CSMD1: variants seen among roughly 807,000 people sequenced by gnomAD.
CSMD1 encodes CUB and Sushi multiple domains 1, also known as CUB and sushi domain-containing protein 1.
A neutral mutation model predicts 417.5 loss-of-function variants in CSMD1; 213 were observed. The ratio of observed to expected loss-of-function variants is 0.51; its 90% CI spans 0.46 to 0.57. The LOEUF (loss-of-function observed/expected upper bound fraction) is 0.57. Ranked by LOEUF, CSMD1 falls within the 20% of genes least tolerant of loss-of-function variation. The pLI is 0.00. For synonymous variants in CSMD1, 2,862 were observed against 1,736.8 expected, an observed-to-expected ratio of 1.65 and a Z score of -16.11; for missense variants, 6,923 against 4,529.7, an observed-to-expected ratio of 1.53 and a Z score of -15.17.
intron 3 of CSMD1, among the ~76,000 whole-genome samples, chr8:4,410,372 G>A (rs948568468): frequency 6.6e-6 from 1 of 152,136 alleles, no homozygotes; most frequent in African/African-American, 2.4e-5. Context: ...CCACACCTCA[G>A]AATTCATGTG....
At chr8:4,358,921 A>T (rs868062289) in intron 3 of CSMD1, among the ~76,000 whole-genome samples, 41 of 152,276 alleles carry the variant, frequency 2.7e-4, no homozygotes, top group African/African-American at 9.6e-4. Context: ...TTATTAAAAA[A>T]ACTGAATAAT....
chr8:4,543,034 G>T (rs1797470020), intron 2 of CSMD1, among the ~76,000 whole-genome samples: 2 of 152,152 alleles, frequency 1.3e-5, no homozygotes, highest in South Asian at 4.1e-4. Flanking sequence ...ATGGTAAAAT[G>T]TAGCAGAAAT....
At chr8:4,000,815 A>T (rs527944558) in intron 4 of CSMD1, among the ~76,000 whole-genome samples, 3 of 152,020 alleles carry the variant, frequency 2.0e-5, no homozygotes, top group Admixed American at 6.6e-5. Context: ...TGGCATCTCA[A>T]TGTAAACACA....
At chr8:3,625,150 A>C (rs1470484970) in intron 7 of CSMD1, among the ~76,000 whole-genome samples, 5 of 152,148 alleles carry the variant, frequency 3.3e-5, no homozygotes, top group Admixed American at 3.3e-4. Context: ...TCATAGTAGT[A>C]AACAAATGTT....
intron 2 of CSMD1, among the ~76,000 whole-genome samples, chr8:4,440,084 G>C (rs1381194245): frequency 1.3e-5 from 2 of 152,144 alleles, no homozygotes; most frequent in African/African-American, 2.4e-5. Flanking sequence ...GTTTTTAACT[G>C]TGTTAGGATA....
At chr8:4,539,237 A>C (rs1262831671) in intron 2 of CSMD1, among the ~76,000 whole-genome samples, 1 of 152,184 alleles carries the variant, frequency 6.6e-6, no homozygotes, top group Admixed American at 6.5e-5. Flanking sequence ...GCAGACACTA[A>C]ATATTGCATT....
intron 6 of CSMD1, among the ~76,000 whole-genome samples, chr8:3,709,351 A>G (rs972423590): frequency 2.0e-5 from 3 of 152,244 alleles, no homozygotes; most frequent in Non-Finnish European, 4.4e-5. Context: ...CTTTGCTTAC[A>G]ACAGGGTGGC....
At chr8:4,442,992 C>G (rs902335519) in intron 2 of CSMD1, among the ~76,000 whole-genome samples, 1 of 152,146 alleles carries the variant, frequency 6.6e-6, no homozygotes, top group East Asian at 1.9e-4. Flanking sequence ...ATTGCTTTAA[C>G]TCTTCCATCT....
chr8:3,931,342 A>G lies in CSMD1; in HGVS notation c.818+66561T>C, dbSNP rs371499609. Among the ~76,000 whole-genome samples the G allele has an allele frequency of 4.0e-5, 6 of 149,914 alleles. No individual in the cohort carries two copies. In the East Asian group the frequency reaches 1.2e-3, roughly 30 times the overall value. On this transcript the variant is annotated intron_variant, in intron 5 of 69. Transcript: ENST00000635120. ...AACTAGAAGTCAGCAGAAAAGGGCC[A>G]CTCTCTCTCCCTCCCTCATTTCTCA...
At chr8:4,451,183 A>T (rs1220494609) in intron 2 of CSMD1, among the ~76,000 whole-genome samples, 8 of 151,982 alleles carry the variant, frequency 5.3e-5, no homozygotes, top group African/African-American at 1.7e-4. Flanking sequence ...TATAAAAATA[A>T]CCAAGTGTGA....
intron 3 of CSMD1, among the ~76,000 whole-genome samples, chr8:4,076,775 A>T (rs2130797516): frequency 6.6e-6 from 1 of 152,272 alleles, no homozygotes; most frequent in East Asian, 1.9e-4. Flanking sequence ...TCAGGCTCTG[A>T]ACAACAACCA....
intron 2 of CSMD1, among the ~76,000 whole-genome samples, chr8:4,530,645 T>C (rs1796763955): frequency 6.6e-6 from 1 of 151,554 alleles, no homozygotes; most frequent in African/African-American, 2.4e-5. Context: ...GGTTTCTAGC[T>C]TCATCCATGT....
At chr8:3,525,473 T>A (rs1314847961) in intron 10 of CSMD1, among the ~76,000 whole-genome samples, 1 of 152,168 alleles carries the variant, frequency 6.6e-6, no homozygotes, top group East Asian at 1.9e-4. Flanking sequence ...CAGCAGGACA[T>A]GAAGAGCTAT....
intron 2 of CSMD1, among the ~76,000 whole-genome samples, chr8:4,483,320 G>A (rs1169409919): frequency 1.3e-5 from 2 of 152,244 alleles, no homozygotes; most frequent in African/African-American, 4.8e-5. Context: ...TCTCGGATAT[G>A]TGTTTATCGG....
intron 1 of CSMD1, among the ~76,000 whole-genome samples, chr8:4,761,032 A>G (rs1485262402): frequency 6.6e-6 from 1 of 152,132 alleles, no homozygotes; most frequent in East Asian, 1.9e-4. Context: ...CAGAATACAC[A>G]GTATGTTGTA....
At chr8:3,062,029 T>C in intron 49 of CSMD1, among the ~76,000 whole-genome samples, 1 of 152,176 alleles carries the variant, frequency 6.6e-6, no homozygotes, top group East Asian at 1.9e-4. Context: ...ATATTTACTG[T>C]TATTTTCAAT....
At chr8:4,428,674 T>C (rs767163558) in intron 2 of CSMD1, among the ~76,000 whole-genome samples, 1 of 152,160 alleles carries the variant, frequency 6.6e-6, no homozygotes, top group Non-Finnish European at 1.5e-5. Flanking sequence ...GCTGATAATG[T>C]CATATTAATA....
chr8:3,842,214 C>G (rs1051982753), intron 5 of CSMD1, among the ~76,000 whole-genome samples: 4 of 152,102 alleles, frequency 2.6e-5, no homozygotes, highest in Admixed American at 6.5e-5. Flanking sequence ...TTCCAAGCCT[C>G]TTGTAGAATC....
intron 3 of CSMD1, among the ~76,000 whole-genome samples, chr8:4,254,045 T>C (rs1803270223): frequency 6.6e-6 from 1 of 150,698 alleles, no homozygotes; most frequent in African/African-American, 2.4e-5. Flanking sequence ...GCCTCCCAAG[T>C]AGCTGGGACT....
Sources: gnomAD v4.1 joint callset for allele counts (sites outside exome capture counted in the v4.1 genomes callset) on GRCh38, gnomAD v4.1.1 for gene constraint, MANE v1.5 for transcripts, NCBI Gene and HGNC (gene_info 2026-07-23, HGNC 2026-07-21) for gene names.